SLC11A2: variants seen among roughly 807,000 people sequenced by gnomAD.
The protein encoded by SLC11A2 is solute carrier family 11 member 2.
In SLC11A2, 38 loss-of-function variants were observed where a neutral mutation model predicts 68.0. The observed-to-expected ratio is 0.56, with a 90% CI of 0.43 to 0.73. SLC11A2 has a LOEUF of 0.73. Ranked by LOEUF, SLC11A2 falls within the 30% of genes least tolerant of loss-of-function variation. The pLI, the probability that SLC11A2 is intolerant of heterozygous loss-of-function variation, is 0.00. For missense variants in SLC11A2, 517 were observed against 690.5 expected (o/e 0.75, Z 2.82); for synonymous variants, 242 against 250.6 (o/e 0.97, Z 0.32).
chr12:51,014,768 G>A (rs1430899436), intron 1 of SLC11A2, among the ~76,000 whole-genome samples: 5 of 152,060 alleles, frequency 3.3e-5, no homozygotes, highest in African/African-American at 4.8e-5. Flanking sequence ...CAGGAGAATC[G>A]TTTGAACCCA....
chr12:51,010,355 T>C (rs11169669), intron 2 of SLC11A2, among the ~76,000 whole-genome samples: 22,176 of 151,896 alleles, frequency 0.15, 1,862 homozygotes, highest in South Asian at 0.27. Context: ...CTGTCTCTAC[T>C]AAAAATACAA....
chr12:51,025,742 C>A, intron 1 of SLC11A2: 1 of 985,486 alleles, frequency 1.0e-6, no homozygotes, highest in Non-Finnish European at 1.2e-6. Flanking sequence ...TCCCTGAGAG[C>A]TACACAAACA....
At position 50,990,616 on chromosome 12, in the gene SLC11A2, C is replaced by T. The variant is rs1941055048; in HGVS notation, c.1575+179G>A. ...GTAGAGATGGAGTCTTACTATGTTG[C>T]CCAGATTGGTCTCTAACTCCTGGAT... On this transcript the variant is annotated intron_variant, in intron 15 of 15. Coordinates refer to ENST00000262052, the MANE Select transcript of SLC11A2 (RefSeq NM_000617.3). 3 of 630,366 alleles carry T rather than the reference C, an allele frequency of 4.8e-6. No homozygotes were observed. In the South Asian group the frequency reaches 5.8e-5, roughly 12 times the overall value. 39.0% of individuals were successfully genotyped at this position (630,366 alleles called of 1,614,324 possible).
At chr12:50,995,319 C>T (rs1941599338) in intron 10 of SLC11A2, among the ~76,000 whole-genome samples, 1 of 152,044 alleles carries the variant, frequency 6.6e-6, no homozygotes, top group Non-Finnish European at 1.5e-5. Context: ...AAAAAAAACA[C>T]TACATAGGTA....
chr12:51,018,774 T>C (rs1157697938), intron 1 of SLC11A2, among the ~76,000 whole-genome samples: 2 of 151,960 alleles, frequency 1.3e-5, no homozygotes, highest in African/African-American at 4.8e-5. Flanking sequence ...CATAAACAAA[T>C]AAATAAATAA....
intron 15 of SLC11A2, among the ~76,000 whole-genome samples, chr12:50,990,098 T>A (rs568884057): frequency 7.7e-4 from 118 of 152,304 alleles, no homozygotes; most frequent in African/African-American, 2.8e-3. Context: ...TCTTAAAAAA[T>A]TTTTTATAAT....
intron 1 of SLC11A2, among the ~76,000 whole-genome samples, chr12:51,013,433 G>C (rs926316811): frequency 7.3e-5 from 11 of 151,016 alleles, no homozygotes; most frequent in African/African-American, 2.7e-4. Context: ...TAGGATTACA[G>C]GCGCCCACCA....
chr12:51,005,315 A>T lies in SLC11A2; in HGVS notation c.305T>A (p.Phe102Tyr). Residue 102 changes from phenylalanine to tyrosine, a missense_variant, in exon 4 of 16, where the codon TTT becomes TAT. Phe to Tyr is a conservative substitution (Grantham distance 22, BLOSUM62 3). Coordinates refer to ENST00000262052, the MANE Select transcript of SLC11A2 (RefSeq NM_000617.3). ...SDLQSGAVAG[F>Y]KLLWILLLAT... ...GGGGTAGGACTAGATGTTCACCTTA[A>T]ATCCAGCCACTGCTCCAGACTGCAA... The T allele has an allele frequency of 6.2e-7, 1 of 1,613,924 alleles. No individual in the cohort carries two copies. Among genetic ancestry groups the T allele is most frequent in the Non-Finnish European group, 8.5e-7 (1 of 1,179,856 alleles).
chr12:50,998,739 A>G (rs898533781), intron 8 of SLC11A2, among the ~76,000 whole-genome samples: 2 of 152,228 alleles, frequency 1.3e-5, no homozygotes, highest in African/African-American at 4.8e-5. Context: ...AATATCCAGT[A>G]TATTTCATAT....
chr12:51,026,701 T>C (rs1197742428), upstream of SLC11A2, among the ~76,000 whole-genome samples: 1 of 152,052 alleles, frequency 6.6e-6, no homozygotes, highest in African/African-American at 2.4e-5. Flanking sequence ...CGTTAGGTAC[T>C]GACAATCAAG....
At chr12:51,017,637 G>T (rs917355883) in intron 1 of SLC11A2, among the ~76,000 whole-genome samples, 3 of 152,136 alleles carry the variant, frequency 2.0e-5, no homozygotes, top group Non-Finnish European at 2.9e-5. Flanking sequence ...AGGTCATATA[G>T]ATTCACTCAG....
chr12:50,971,212 C>T, the SLC11A2 span, among the ~76,000 whole-genome samples: 1 of 152,052 alleles, frequency 6.6e-6, no homozygotes, highest in African/African-American at 2.4e-5. Flanking sequence ...AAATGTGACA[C>T]CCTATCCATG....
chr12:50,998,250 T>C (rs1303584994), intron 8 of SLC11A2, among the ~76,000 whole-genome samples: 1 of 151,110 alleles, frequency 6.6e-6, no homozygotes, highest in Non-Finnish European at 1.5e-5. Flanking sequence ...TCCCAGCTAC[T>C]TGGGAGGCTG....
intron 1 of SLC11A2, among the ~76,000 whole-genome samples, chr12:51,015,116 C>A (rs1352570979): frequency 6.7e-6 from 1 of 149,580 alleles, no homozygotes; most frequent in African/African-American, 2.5e-5. Context: ...GCCAATATTG[C>A]ACCACTGCAC....
downstream of SLC11A2, chr12:50,981,444 T>C (rs1940019264): frequency 7.8e-6 from 2 of 256,168 alleles, no homozygotes; most frequent in Non-Finnish European, 7.6e-6. Flanking sequence ...TACATATATA[T>C]CTTTTAAATC....
Position 51,026,290 on chromosome 12 carries a change from T to TG in SLC11A2, c.-39+19dup. 8.1e-7 allele frequency: 1 copy of TG among 1,240,126 alleles called. No individual in the cohort carries two copies. Among genetic ancestry groups the TG allele is most frequent in the Non-Finnish European group, 1.1e-6 (1 of 949,528 alleles). The allele number at this position is 1,240,126 out of a possible 1,614,324, so 76.8% of individuals were successfully genotyped here. On this transcript the variant is annotated intron_variant, in intron 1 of 15. Coordinates refer to ENST00000262052, the MANE Select transcript of SLC11A2 (RefSeq NM_000617.3). ...CCAGCGAGCGGAATGCCGTGACCCC[T>TG]GACCTTGCCTTCCCCTCACCTTACC...
At chr12:51,008,231 TA>T in intron 3 of SLC11A2, 1 of 288,590 alleles carries the variant, frequency 3.5e-6, no homozygotes, top group South Asian at 3.8e-5. Flanking sequence ...GACAGATAGA[TA>T]GATAGATAGA....
At chr12:50,998,861 C>T (rs774511330) in intron 8 of SLC11A2, among the ~76,000 whole-genome samples, 3 of 152,128 alleles carry the variant, frequency 2.0e-5, no homozygotes, top group Non-Finnish European at 4.4e-5. Context: ...CCTGCAACCC[C>T]CTCCTTAATT....
rs1357142316 is a variant in SLC11A2, at chr12:51,009,142, A to G, written c.35-518T>C. 3 of 1,516,798 alleles carry G rather than the reference A, an allele frequency of 2.0e-6. No homozygotes were observed. In the South Asian group the frequency reaches 3.7e-5, roughly 19 times the overall value. The allele number at this position is 1,516,798 out of a possible 1,614,324, so 94.0% of individuals were successfully genotyped here. A position where few individuals can be genotyped will look rare whatever the true frequency, so the allele number is the denominator to read the frequency against. ...TCAAATAATCGACCGTGGACATTAT[A>G]CCTCCATCAGACTTCTCAAAAAATG... On this transcript the variant is annotated intron_variant, in intron 2 of 15. Transcript: ENST00000262052.
Sources: gnomAD v4.1 joint callset for allele counts (sites outside exome capture counted in the v4.1 genomes callset) on GRCh38, gnomAD v4.1.1 for gene constraint, MANE v1.5 for transcripts, NCBI Gene and HGNC (gene_info 2026-07-23, HGNC 2026-07-21) for gene names.